Variants in PAX5 observed in about 807,000 individuals in gnomAD.
PAX5 encodes the protein paired box protein Pax-5.
Under a neutral mutation model 43.7 loss-of-function variants are expected in PAX5, and 9 were observed. The observed-to-expected ratio is 0.21, with a 90% CI of 0.12 to 0.36. The LOEUF is 0.36. PAX5 is among the 10% of genes least tolerant of loss of function. PAX5 has a pLI of 1.00. For missense variants in PAX5, 383 were observed against 532.7 expected (o/e 0.72, Z 2.77); for synonymous variants, 228 against 214.3 (o/e 1.06, Z -0.56).
At chr9:36,848,317 C>T (rs943100572) in intron 8 of PAX5, among the ~76,000 whole-genome samples, 1 of 145,322 alleles carries the variant, frequency 6.9e-6, no homozygotes, top group Admixed American at 6.9e-5. Context: ...TAGCTGGCTT[C>T]CCCCGCACCT....
At position 36,957,653 on chromosome 9, in the gene PAX5, C is replaced by T. The variant is rs118044603; in HGVS notation, c.780+8896G>A. 3.3e-4 allele frequency among the ~76,000 whole-genome samples: 51 copies of T among 152,288 alleles called. No individual in the cohort carries two copies. The East Asian group carries it at 6.2e-3, about 18-fold the overall frequency. On this transcript the variant is annotated intron_variant, in intron 6 of 9. Coordinates refer to ENST00000358127, the MANE Select transcript of PAX5 (RefSeq NM_016734.3). Reference sequence around the variant, plus strand: ...CCTGTAGGTCAGTTGCCTCCAGCCACGAGCATCCTGTTTATCCCAGTGTGT... The same window carrying T: ...CCTGTAGGTCAGTTGCCTCCAGCCATGAGCATCCTGTTTATCCCAGTGTGT...
At chr9:36,857,023 T>C (rs550759707) in intron 8 of PAX5, among the ~76,000 whole-genome samples, 2 of 152,318 alleles carry the variant, frequency 1.3e-5, no homozygotes, top group East Asian at 3.9e-4. Context: ...GGAATAACAT[T>C]GAACTACATT....
At chr9:36,923,274 C>G in intron 7 of PAX5, 81 bp downstream of exon 7, 2 of 1,525,392 alleles carry the variant, frequency 1.3e-6, no homozygotes, top group Non-Finnish European at 1.8e-6. Flanking sequence ...TCCAAACACA[C>G]CAAGAAGCCA....
In PAX5 at chr9:36,872,521, TGTGA is replaced by T. The variant is rs1825579581; in HGVS notation, c.1012+9479_1012+9482del. On this transcript the variant is annotated intron_variant, in intron 8 of 9. Transcript: ENST00000358127. ...CCAAGGTCATGTCTCAAGGTCATGC[TGTGA>T]GTATCTGGCAGCTAGAATCAGAACC... 3.3e-5 allele frequency among the ~76,000 whole-genome samples: 5 copies of T among 152,274 alleles called. No individual in the cohort carries two copies. The South Asian group carries it at 8.3e-4, about 25-fold the overall frequency.
At chr9:36,920,471 T>C (rs1438007501) in intron 7 of PAX5, among the ~76,000 whole-genome samples, 1 of 152,188 alleles carries the variant, frequency 6.6e-6, no homozygotes, top group Non-Finnish European at 1.5e-5. Flanking sequence ...AAAAGATGAC[T>C]CACTGAAGGC....
At chr9:36,851,540 AGT>A (rs776942921) in intron 8 of PAX5, among the ~76,000 whole-genome samples, 60 of 152,224 alleles carry the variant, frequency 3.9e-4, no homozygotes, top group Non-Finnish European at 2.6e-4. Context: ...AGCATGGGAA[AGT>A]GAGCCTCCAC....
At chr9:36,965,025 G>T (rs1834298155) in intron 6 of PAX5, among the ~76,000 whole-genome samples, 1 of 151,872 alleles carries the variant, frequency 6.6e-6, no homozygotes. Flanking sequence ...CTTTGCACTT[G>T]CTGTCCCCTC....
intron 6 of PAX5, among the ~76,000 whole-genome samples, chr9:36,955,829 C>T (rs1483899909): frequency 7.4e-5 from 11 of 149,012 alleles, no homozygotes; most frequent in Admixed American, 5.4e-4. Context: ...ATATATAATG[C>T]TTTATTGTTA....
chr9:36,968,191 T>A (rs1834608642), intron 5 of PAX5, among the ~76,000 whole-genome samples: 1 of 152,226 alleles, frequency 6.6e-6, no homozygotes, highest in African/African-American at 2.4e-5. Flanking sequence ...GCTCTCATGC[T>A]GAAAGGTGCC....
At chr9:36,988,347 C>T (rs1343458768) in intron 5 of PAX5, among the ~76,000 whole-genome samples, 6 of 152,016 alleles carry the variant, frequency 3.9e-5, no homozygotes, top group African/African-American at 1.5e-4. Context: ...CTGAACAATC[C>T]TATCATGAAA....
intron 7 of PAX5, among the ~76,000 whole-genome samples, chr9:36,915,965 G>A (rs1829701866): frequency 6.6e-6 from 1 of 151,740 alleles, no homozygotes. Context: ...CAGCTGCTTG[G>A]GAGGCTAAGG....
chr9:36,989,015 C>T (rs1200661529), intron 5 of PAX5, among the ~76,000 whole-genome samples: 1 of 152,176 alleles, frequency 6.6e-6, no homozygotes, highest in African/African-American at 2.4e-5. Flanking sequence ...ACTCACGGTG[C>T]CACCTGCTGT....
At chr9:37,027,349 A>T (rs1840498007) in intron 1 of PAX5, among the ~76,000 whole-genome samples, 1 of 152,112 alleles carries the variant, frequency 6.6e-6, no homozygotes, top group Non-Finnish European at 1.5e-5. Flanking sequence ...CATCGCTGGG[A>T]CCAGGAACGG....
chr9:36,843,895 G>A (rs76746021), intron 9 of PAX5, among the ~76,000 whole-genome samples: 1,900 of 152,314 alleles, frequency 0.012, 36 homozygotes, highest in African/African-American at 0.043. Flanking sequence ...AAGTTACAGT[G>A]GAGTGGAGCT....
chr9:36,890,354 G>A (rs553609287), intron 7 of PAX5, among the ~76,000 whole-genome samples: 36 of 152,352 alleles, frequency 2.4e-4, no homozygotes, highest in African/African-American at 8.2e-4. Context: ...CCTGCCCAGA[G>A]GAGGGAGATC....
chr9:36,980,574 T>C (rs1233180148), intron 5 of PAX5, among the ~76,000 whole-genome samples: 2 of 152,056 alleles, frequency 1.3e-5, no homozygotes, highest in African/African-American at 4.8e-5. Flanking sequence ...CCTTGTCTGA[T>C]GATATCAATA....
intron 1 of PAX5, chr9:37,026,865 G>A (rs1840436195): frequency 1.6e-5 from 5 of 320,922 alleles, no homozygotes; most frequent in Non-Finnish European, 2.2e-5. Flanking sequence ...CCAGCCCGGG[G>A]TAGCTGCGGC....
intron 8 of PAX5, among the ~76,000 whole-genome samples, chr9:36,861,561 G>T (rs1824215769): frequency 6.6e-6 from 1 of 151,660 alleles, no homozygotes; most frequent in Non-Finnish European, 1.5e-5. Flanking sequence ...CCACTGAAAA[G>T]GTGACTTTTG....
At chr9:36,842,838 C>G (rs974945646) in intron 9 of PAX5, among the ~76,000 whole-genome samples, 4 of 152,132 alleles carry the variant, frequency 2.6e-5, no homozygotes, top group African/African-American at 9.7e-5. Flanking sequence ...GTTGCCCTGG[C>G]TGAGGGACAT....
Sources: allele counts gnomAD v4.1 joint callset (sites outside exome capture counted in the v4.1 genomes callset), GRCh38; gene constraint gnomAD v4.1.1; transcripts MANE v1.5; gene names NCBI Gene and HGNC (gene_info 2026-07-23, HGNC 2026-07-21).